The following TENM1 variants were observed in gnomAD, a reference collection of about 807,000 sequenced individuals.
TENM1 encodes the protein teneurin-1.
A neutral mutation model predicts 174.8 loss-of-function variants in TENM1; 35 were observed. That is an observed-to-expected ratio of 0.20 (90% confidence interval 0.15 to 0.27). The LOEUF (loss-of-function observed/expected upper bound fraction) is 0.27, where lower values mean the gene tolerates loss of function less well. TENM1 is among the 10% of genes least tolerant of loss of function. The probability of loss-of-function intolerance (pLI) is 1.00; values close to 1 mark genes in which losing one functional copy is unlikely to be tolerated. For synonymous variants in TENM1, 781 were observed against 798.7 expected (o/e 0.98, Z 0.37); for missense variants, 1,633 against 2,130.1 (o/e 0.77, Z 4.59).
chrX:125,038,960 G>C, the TENM1 span, among the ~76,000 whole-genome samples: 1 of 111,534 alleles, frequency 9.0e-6, no homozygotes, highest in African/African-American at 3.2e-5. Flanking sequence ...GCCACTGAAA[G>C]GGACTGACTT....
At chrX:124,628,256 G>C (rs1403743641) in intron 11 of TENM1, among the ~76,000 whole-genome samples, 16 of 110,647 alleles carry the variant, frequency 1.4e-4, no homozygotes, top group Non-Finnish European at 5.7e-5. Flanking sequence ...CTTGGCGTTG[G>C]AATAGAATCA....
At chrX:124,980,543 G>T in the TENM1 span, among the ~76,000 whole-genome samples, 2 of 109,787 alleles carry the variant, frequency 1.8e-5, no homozygotes, top group Admixed American at 1.9e-4. Context: ...AAATAGTTTT[G>T]GATAGTATCT....
At chrX:124,844,089 G>C (rs1026947058) in intron 3 of TENM1, among the ~76,000 whole-genome samples, 1 of 110,975 alleles carries the variant, frequency 9.0e-6, no homozygotes, top group Non-Finnish European at 1.9e-5. Context: ...CACACTTTAT[G>C]TAAGAGACTC....
intron 1 of TENM1, among the ~76,000 whole-genome samples, chrX:124,897,314 G>A (rs1019648578): frequency 4.5e-5 from 5 of 111,529 alleles, no homozygotes; most frequent in African/African-American, 9.8e-5. Flanking sequence ...AAGGTAATCC[G>A]GAGATGTAGT....
intron 18 of TENM1, among the ~76,000 whole-genome samples, chrX:124,512,004 A>G (rs1044098618): frequency 3.6e-5 from 4 of 112,311 alleles, no homozygotes; most frequent in African/African-American, 9.7e-5. Flanking sequence ...ACCTTGAAGA[A>G]AAATAGAATT....
intron 1 of TENM1, among the ~76,000 whole-genome samples, chrX:124,905,407 A>G (rs1436157224): frequency 1.8e-5 from 2 of 112,056 alleles, no homozygotes; most frequent in African/African-American, 3.2e-5. Flanking sequence ...TTTGAATTCC[A>G]TTCAGAGGAA....
At chrX:124,844,841 CCT>C (rs1175019768) in intron 3 of TENM1, among the ~76,000 whole-genome samples, 1 of 111,227 alleles carries the variant, frequency 9.0e-6, no homozygotes, top group Non-Finnish European at 1.9e-5. Flanking sequence ...ATTCTGTCTC[CCT>C]GTCACTCCTG....
chrX:125,007,578 A>G, the TENM1 span, among the ~76,000 whole-genome samples: 1 of 111,128 alleles, frequency 9.0e-6, no homozygotes, highest in Non-Finnish European at 1.9e-5. Flanking sequence ...AAGACACGTA[A>G]TCTTCAGATT....
chrX:124,459,886 AAAAC>A (rs202244902), intron 22 of TENM1, among the ~76,000 whole-genome samples: 1,248 of 112,082 alleles, frequency 0.011, 26 homozygotes, highest in African/African-American at 0.038. Context: ...AGAAAAGAAA[AAAAC>A]AAACAACCCC....
chrX:124,615,992 A>G (rs779681149), intron 11 of TENM1, among the ~76,000 whole-genome samples: 23 of 112,904 alleles, frequency 2.0e-4, no homozygotes, highest in African/African-American at 7.4e-4. Context: ...GTTTCAATGG[A>G]AATTACTTAA....
intron 22 of TENM1, among the ~76,000 whole-genome samples, chrX:124,456,957 A>T (rs35377506): frequency 0.35 from 39,023 of 111,033 alleles, 5,387 homozygotes; most frequent in Middle Eastern, 0.45. Context: ...TTAAAGATTT[A>T]AACTGTACTA....
intron 3 of TENM1, among the ~76,000 whole-genome samples, chrX:124,783,421 G>C (rs1239567164): frequency 9.0e-6 from 1 of 111,605 alleles, no homozygotes; most frequent in Admixed American, 9.5e-5. Context: ...GAACAATCTA[G>C]CATATATTGT....
rs767752633 is a variant in TENM1 at position 124,869,023 on chromosome X, G to A, written c.535+25273C>T. 9.8e-5 allele frequency among the ~76,000 whole-genome samples: 10 copies of A among 101,680 alleles called. No individual in the cohort carries two copies. In the South Asian group the frequency reaches 3.8e-3, roughly 38 times the overall value. The allele number at this position is 101,680 out of a possible 115,157, so 88.3% of individuals were successfully genotyped here. ...GTGGATCACTTGACGTCAGGAGCTC[G>A]AGACCAGCCTGGCCAACATGGTGAA... is the stretch of plus-strand genomic sequence containing the variant. On this transcript the variant is annotated intron_variant, in intron 3 of 31. Coordinates refer to ENST00000422452, the Ensembl canonical transcript of TENM1.
the TENM1 span, among the ~76,000 whole-genome samples, chrX:124,999,567 T>C: frequency 9.0e-6 from 1 of 111,310 alleles, no homozygotes; most frequent in Admixed American, 9.6e-5. Context: ...AAGCAGATGT[T>C]ACTATCTGGA....
intron 3 of TENM1, among the ~76,000 whole-genome samples, chrX:124,747,154 A>AATAC (rs1298218315): frequency 2.5e-5 from 2 of 78,843 alleles, no homozygotes; most frequent in African/African-American, 1.8e-4. Context: ...TATTTCAATA[A>AATAC]ATAAATAAAT....
chrX:124,495,565 G>C (rs979355339), intron 20 of TENM1, among the ~76,000 whole-genome samples: 1 of 110,243 alleles, frequency 9.1e-6, no homozygotes, highest in African/African-American at 3.3e-5. Flanking sequence ...TGCTTTTGGT[G>C]TTTTAGACAT....
chrX:124,759,687 T>C (rs1191378669), intron 3 of TENM1, among the ~76,000 whole-genome samples: 2 of 112,066 alleles, frequency 1.8e-5, no homozygotes, highest in African/African-American at 6.5e-5. Context: ...AATAATCAGT[T>C]GTATTTGGAA....
chrX:124,759,316 G>GT (rs1272994288), intron 3 of TENM1, among the ~76,000 whole-genome samples: 14 of 110,637 alleles, frequency 1.3e-4, no homozygotes, highest in South Asian at 3.8e-4. Flanking sequence ...GATAGAAATA[G>GT]TTTTTTAAAA....
chrX:125,119,450 C>CTTT, the TENM1 span, among the ~76,000 whole-genome samples: 7 of 100,634 alleles, frequency 7.0e-5, no homozygotes, highest in African/African-American at 2.5e-4. Context: ...TTATTTACTG[C>CTTT]TTTTTTTTTT....
Sources: allele counts gnomAD v4.1 joint callset (sites outside exome capture counted in the v4.1 genomes callset), GRCh38; gene constraint gnomAD v4.1.1; transcripts MANE v1.5; gene names NCBI Gene and HGNC (gene_info 2026-07-23, HGNC 2026-07-21).